Variants in INPP5A observed in about 807,000 individuals in gnomAD.
INPP5A encodes inositol polyphosphate-5-phosphatase A, also known as 43 kDa inositol polyphosphate 5-phophatase.
INPP5A carries 14 observed loss-of-function variants against 65.2 expected under a neutral mutation model. The observed-to-expected ratio is 0.21, with a 90% CI of 0.14 to 0.34. The LOEUF is 0.34. INPP5A is among the 10% of genes least tolerant of loss of function. The pLI is 1.00. For missense variants in INPP5A, 431 were observed against 545.6 expected (o/e 0.79, Z 2.09); for synonymous variants, 207 against 208.3 (o/e 0.99, Z 0.05).
intron 1 of INPP5A, among the ~76,000 whole-genome samples, chr10:132,592,536 C>A (rs2071631583): frequency 6.6e-6 from 1 of 152,196 alleles, no homozygotes; most frequent in Admixed American, 6.5e-5. Flanking sequence ...CTGCCTCAGC[C>A]TCCCAAGTAG....
chr10:132,559,941 T>C (rs1457987669), intron 1 of INPP5A, among the ~76,000 whole-genome samples: 2 of 152,248 alleles, frequency 1.3e-5, no homozygotes, highest in Non-Finnish European at 2.9e-5. Context: ...AACCTGTGTC[T>C]CCAGCTCTCT....
intron 4 of INPP5A, among the ~76,000 whole-genome samples, chr10:132,687,955 G>A (rs1487619204): frequency 6.6e-6 from 1 of 152,176 alleles, no homozygotes; most frequent in Non-Finnish European, 1.5e-5. Flanking sequence ...TCTGTCAGAG[G>A]GCAGCTGTGT....
intron 2 of INPP5A, among the ~76,000 whole-genome samples, chr10:132,609,079 CGT>C (rs2071904674): frequency 6.6e-6 from 1 of 152,188 alleles, no homozygotes; most frequent in Non-Finnish European, 1.5e-5. Flanking sequence ...TGTGTGTGCA[CGT>C]GTGTGCGCAT....
chr10:132,614,181 G>C (rs7898053), intron 2 of INPP5A, among the ~76,000 whole-genome samples: 131,831 of 152,188 alleles, frequency 0.87, 57,179 homozygotes, highest in East Asian at 0.96. Flanking sequence ...CCCAGGCAGA[G>C]CCTGGACGGC....
At chr10:132,617,804 A>G (rs930173135) in intron 2 of INPP5A, among the ~76,000 whole-genome samples, 2 of 152,210 alleles carry the variant, frequency 1.3e-5, no homozygotes, top group Non-Finnish European at 2.9e-5. Flanking sequence ...AGCATGATGC[A>G]CACCCCATCA....
chr10:132,565,460 G>GT (rs2071260389), intron 1 of INPP5A, among the ~76,000 whole-genome samples: 1 of 152,202 alleles, frequency 6.6e-6, no homozygotes, highest in African/African-American at 2.4e-5. Context: ...GGATTTGTGT[G>GT]TTTAGACAGT....
chr10:132,724,722 C>G (rs1423726689), intron 8 of INPP5A, among the ~76,000 whole-genome samples: 1 of 143,348 alleles, frequency 7.0e-6, no homozygotes, highest in Non-Finnish European at 1.5e-5. Flanking sequence ...TACTCACTCT[C>G]CATAACTCAC....
chr10:132,683,273 CGTT>C (rs779774291), intron 4 of INPP5A, among the ~76,000 whole-genome samples: 14 of 149,414 alleles, frequency 9.4e-5, no homozygotes, highest in Non-Finnish European at 1.5e-4. Context: ...TATGCACACA[CGTT>C]TAATCCACGT....
intron 9 of INPP5A, among the ~76,000 whole-genome samples, chr10:132,735,843 G>A (rs1433897648): frequency 6.6e-6 from 1 of 152,248 alleles, no homozygotes; most frequent in Non-Finnish European, 1.5e-5. Context: ...CCAGCTTGGT[G>A]GCCCTGGAGG....
At chr10:132,700,059 C>G (rs1038955003) in intron 6 of INPP5A, among the ~76,000 whole-genome samples, 1 of 152,140 alleles carries the variant, frequency 6.6e-6, no homozygotes, top group Non-Finnish European at 1.5e-5. Context: ...GGGCATAGCA[C>G]GAGGGGCCGC....
chr10:132,561,184 T>G (rs1482626454), intron 1 of INPP5A, among the ~76,000 whole-genome samples: 1 of 151,540 alleles, frequency 6.6e-6, no homozygotes, highest in Non-Finnish European at 1.5e-5. Context: ...CACCCCAGCC[T>G]CTGGAATAGC....
At chr10:132,692,347 A>T (rs1011427085) in intron 5 of INPP5A, among the ~76,000 whole-genome samples, 5 of 152,208 alleles carry the variant, frequency 3.3e-5, no homozygotes, top group South Asian at 4.1e-4. Flanking sequence ...GTAGGAGTAG[A>T]AGGAAAGGAA....
rs190669314 is a variant in INPP5A at position 132,647,201 on chromosome 10, C to T, written c.218+1233C>T. 5.8e-3 allele frequency among the ~76,000 whole-genome samples: 884 copies of T among 151,978 alleles called. 4 individuals carry two copies. The highest frequency in any genetic ancestry group is 9.4e-3 in the Non-Finnish European group (636 of 67,956). The stretch of plus-strand genomic sequence containing the variant: ...CGTGATCTGAGCTCACTGCAAGCAC[C>T]GCCTCCTGGATTCATGCCATTCTTC... On this transcript the variant is annotated intron_variant, in intron 3 of 15. Transcript: ENST00000368594.
At position 132,550,982 on chromosome 10, in the gene INPP5A, A is replaced by T. The variant is rs561941719; in HGVS notation, c.75+12811A>T. Among the ~76,000 whole-genome samples, 1 of 152,250 alleles carries T rather than the reference A, an allele frequency of 6.6e-6. No homozygotes were observed. Among genetic ancestry groups the T allele is most frequent in the East Asian group, 1.9e-4 (1 of 5,182 alleles). Reference sequence around the variant, plus strand: ...CCATGTGGTGGGGACTCTGCAGGCCACCTGGAAAGGGGTCCACCTGAAAGG... The same window carrying T: ...CCATGTGGTGGGGACTCTGCAGGCCTCCTGGAAAGGGGTCCACCTGAAAGG... On this transcript the variant is annotated intron_variant, in intron 1 of 15. Transcript: ENST00000368594. This position sits in a 1 kb window ranked among gnomAD's most constrained non-coding sequence, Gnocchi z 4.2.
At chr10:132,780,054 T>A (rs1490804049) in intron 13 of INPP5A, among the ~76,000 whole-genome samples, 1 of 152,252 alleles carries the variant, frequency 6.6e-6, no homozygotes, top group Non-Finnish European at 1.5e-5. Flanking sequence ...GGCGGGAAGG[T>A]GCTCATGCAT....
At chr10:132,569,184 A>G (rs1424201874) in intron 1 of INPP5A, among the ~76,000 whole-genome samples, 1 of 152,108 alleles carries the variant, frequency 6.6e-6, no homozygotes. Context: ...AATTCTCACC[A>G]TACAGCAGAG....
At chr10:132,732,520 A>G (rs1377458627) in intron 9 of INPP5A, among the ~76,000 whole-genome samples, 2 of 152,240 alleles carry the variant, frequency 1.3e-5, no homozygotes, top group South Asian at 4.1e-4. Flanking sequence ...CCCTCCTGGC[A>G]TCATCAACAC....
rs1002061617 is a variant in INPP5A at position 132,603,198 on chromosome 10, A to G, written c.76-4717A>G. Among the ~76,000 whole-genome samples, 3 of 152,208 alleles carry G rather than the reference A, an allele frequency of 2.0e-5. No homozygotes were observed. The highest frequency in any genetic ancestry group is 7.2e-5 in the African/African-American group (3 of 41,450). On this transcript the variant is annotated intron_variant, in intron 1 of 15. Transcript: ENST00000368594. This position sits in a 1 kb window ranked among gnomAD's most constrained non-coding sequence, Gnocchi z 4.2. ...TGGGCCTTCTGGGCGGCTGTGGGCCAGGCTGCCTCTGGCATCTTGGTCTCT... is the reference window on the plus strand; with the variant it reads ...TGGGCCTTCTGGGCGGCTGTGGGCCGGGCTGCCTCTGGCATCTTGGTCTCT...
chr10:132,720,671 G>T (rs1382268289), intron 8 of INPP5A, among the ~76,000 whole-genome samples: 1 of 146,848 alleles, frequency 6.8e-6, no homozygotes, highest in Non-Finnish European at 1.5e-5. Context: ...GGGTTCTGTG[G>T]TACCTGGGTT....
Sources: gnomAD v4.1 joint callset for allele counts (sites outside exome capture counted in the v4.1 genomes callset) on GRCh38, gnomAD v4.1.1 for gene constraint, Gnocchi (gnomAD v3.1) non-coding constraint, MANE v1.5 for transcripts, NCBI Gene and HGNC (gene_info 2026-07-23, HGNC 2026-07-21) for gene names.